Variants in WWTR1 observed in about 807,000 individuals in gnomAD.
The protein encoded by WWTR1 is WW domain-containing transcription regulator protein 1.
A neutral mutation model predicts 40.1 loss-of-function variants in WWTR1; 13 were observed. That is an observed-to-expected ratio of 0.32 (90% CI 0.21 to 0.52). The LOEUF (loss-of-function observed/expected upper bound fraction) is 0.52. WWTR1 is among the 20% of genes least tolerant of loss of function. The pLI is 0.97. For missense variants in WWTR1, 436 were observed against 523.1 expected, an observed-to-expected ratio of 0.83 and a Z score of 1.63; for synonymous variants, 230 against 210.1, an observed-to-expected ratio of 1.09 and a Z score of -0.82.
chr3:149,590,537 T>C (rs780089789), intron 2 of WWTR1, among the ~76,000 whole-genome samples: 4 of 152,000 alleles, frequency 2.6e-5, no homozygotes, highest in Non-Finnish European at 5.9e-5. Context: ...TCCCAGCTAC[T>C]CGAGAGGCTG....
At chr3:149,690,611 T>C (rs970912085) in intron 1 of WWTR1, among the ~76,000 whole-genome samples, 3 of 152,298 alleles carry the variant, frequency 2.0e-5, no homozygotes, top group East Asian at 1.9e-4. Context: ...CATCCAGATA[T>C]ATAAAGCAAA....
At chr3:149,608,238 A>T (rs115931804) in intron 2 of WWTR1, among the ~76,000 whole-genome samples, 3,651 of 152,240 alleles carry the variant, frequency 0.024, 125 homozygotes, top group African/African-American at 0.084. Flanking sequence ...AAAAAAATTT[A>T]TTTAGAATAC....
intron 1 of WWTR1, chr3:149,701,760 C>T (rs1169695957): frequency 5.7e-6 from 1 of 174,172 alleles, no homozygotes; most frequent in African/African-American, 2.4e-5. Context: ...AGTTGAAGCG[C>T]TCTCAGATGT....
intron 2 of WWTR1, among the ~76,000 whole-genome samples, chr3:149,600,756 A>C (rs1739204826): frequency 6.6e-6 from 1 of 152,220 alleles, no homozygotes. Flanking sequence ...AATATGGTAA[A>C]TATGATGTAC....
intron 1 of WWTR1, among the ~76,000 whole-genome samples, chr3:149,680,919 G>C (rs1333196180): frequency 2.6e-5 from 4 of 152,134 alleles, no homozygotes. Context: ...TATAAAACCA[G>C]TTACATACTT....
rs1015781374 is a variant in WWTR1, at chr3:149,551,561, T to G, written c.569-9024A>C. Among the ~76,000 whole-genome samples, 32 of 145,534 alleles carry G rather than the reference T, an allele frequency of 2.2e-4. 5 individuals are homozygous for G. The highest frequency in any genetic ancestry group is 2.3e-4 in the Non-Finnish European group (15 of 66,332). ...GGGGAGCATAAAAGCTTCCAAAAGTTAGAATGCAAAGCTTTACAATCACCT... is the reference window on the plus strand; with the variant it reads ...GGGGAGCATAAAAGCTTCCAAAAGTGAGAATGCAAAGCTTTACAATCACCT... On this transcript the variant is annotated intron_variant, in intron 3 of 6. Coordinates refer to ENST00000360632, the MANE Select transcript of WWTR1 (RefSeq NM_015472.6).
At position 149,594,950 on chromosome 3, in the gene WWTR1, C is replaced by CTTTTTTTTT. The variant is rs563658190; in HGVS notation, c.432-21959_432-21951dup. Among the ~76,000 whole-genome samples, 403 of 61,788 alleles carry CTTTTTTTTT rather than the reference C, an allele frequency of 6.5e-3. 47 individuals are homozygous for CTTTTTTTTT. The highest frequency in any genetic ancestry group is 0.022 in the Middle Eastern group (1 of 46). The allele number at this position is 61,788 out of a possible 152,430, so 40.5% of individuals were successfully genotyped here. A position where few individuals can be genotyped will look rare whatever the true frequency, so the allele number is the denominator to read the frequency against. ...CATATTGCCTATAACCTCTTTTTTA[C>CTTTTTTTTT]TTTTTTTTTTTTTTTTTTTTTTTTT... On this transcript the variant is annotated intron_variant, in intron 2 of 6. Transcript: ENST00000360632.
At chr3:149,550,752 G>T (rs1736582279) in intron 3 of WWTR1, among the ~76,000 whole-genome samples, 1 of 109,450 alleles carries the variant, frequency 9.1e-6, no homozygotes, top group Non-Finnish European at 1.9e-5. Flanking sequence ...AAAAGCAAGG[G>T]TTATAAAAGA....
chr3:149,582,196 C>G (rs1028083623), intron 2 of WWTR1, among the ~76,000 whole-genome samples: 1 of 151,936 alleles, frequency 6.6e-6, no homozygotes, highest in African/African-American at 2.4e-5. Flanking sequence ...CAACAGCACC[C>G]GGCCCTGGCA....
intron 2 of WWTR1, among the ~76,000 whole-genome samples, chr3:149,665,132 C>T (rs959972819): frequency 1.3e-5 from 2 of 151,720 alleles, no homozygotes; most frequent in Non-Finnish European, 2.9e-5. Context: ...CAACAATATA[C>T]AGTATGGTTT....
At chr3:149,628,186 C>A (rs180731126) in intron 2 of WWTR1, among the ~76,000 whole-genome samples, 7 of 151,714 alleles carry the variant, frequency 4.6e-5, no homozygotes, top group African/African-American at 1.7e-4. Context: ...TTGGCTAACA[C>A]GGTGAAACCC....
chr3:149,555,320 C>T (rs1473864877), intron 3 of WWTR1, among the ~76,000 whole-genome samples: 3 of 151,972 alleles, frequency 2.0e-5, no homozygotes, highest in Non-Finnish European at 2.9e-5. Flanking sequence ...AAGACTTGAA[C>T]GATTCATAAA....
intron 3 of WWTR1, among the ~76,000 whole-genome samples, chr3:149,554,836 G>A (rs1343688664): frequency 6.6e-6 from 1 of 152,184 alleles, no homozygotes; most frequent in Non-Finnish European, 1.5e-5. Flanking sequence ...TGGAGTTAGT[G>A]AATTTAGAAA....
chr3:149,645,234 C>T (rs1443803680), intron 2 of WWTR1, among the ~76,000 whole-genome samples: 2 of 152,150 alleles, frequency 1.3e-5, no homozygotes, highest in Non-Finnish European at 1.5e-5. Flanking sequence ...TGCCCGCCAC[C>T]ACGCCTGGCT....
chr3:149,587,296 T>TA (rs1250092816), intron 2 of WWTR1, among the ~76,000 whole-genome samples: 1 of 151,914 alleles, frequency 6.6e-6, no homozygotes, highest in Non-Finnish European at 1.5e-5. Context: ...TGTGTGAGGG[T>TA]AAAAAGAAAA....
chr3:149,656,785 T>TCACACACACACACACA, intron 2 of WWTR1, 91 bp downstream of exon 2: 1 of 816,780 alleles, frequency 1.2e-6, no homozygotes, highest in South Asian at 2.6e-5. Context: ...TCTCTCTCTC[T>TCACACACACACACACA]CTCTCTCACA....
intron 3 of WWTR1, among the ~76,000 whole-genome samples, chr3:149,565,638 C>A (rs555841582): frequency 3.2e-4 from 48 of 152,204 alleles, no homozygotes; most frequent in Non-Finnish European, 6.0e-4. Flanking sequence ...CCTTTTCAGG[C>A]CGGGTGCTCG....
At position 149,657,923 on chromosome 3, in the gene WWTR1, G is replaced by A. The variant is rs1450182406; in HGVS notation, c.-162C>T. On this transcript the variant is annotated 5_prime_UTR_variant, in exon 1 of 7. Transcript: ENST00000360632. ...CCCGACTCTGTGCCTGGCAGTCTAA[G>A]GGCTTCGGCTCTCACATCCCCCGAG... The A allele has an allele frequency of 6.5e-6, 1 of 152,716 alleles. No homozygotes were observed. Among genetic ancestry groups the A allele is most frequent in the Non-Finnish European group, 1.5e-5 (1 of 68,464 alleles). The allele number at this position is 152,716 out of a possible 1,614,324, so 9.5% of individuals were successfully genotyped here. A position where few individuals can be genotyped will look rare whatever the true frequency, so the allele number is the denominator to read the frequency against.
rs1393274412 is a variant in WWTR1 at position 149,642,764 on chromosome 3, G to T, written c.431+14112C>A. ...CACTCCAGCCTGGGCGACAGAGTGA[G>T]ACTCCGTCTCAAAAAAAAAAAAAAA... On this transcript the variant is annotated intron_variant, in intron 2 of 6. Coordinates refer to ENST00000360632, the MANE Select transcript of WWTR1 (RefSeq NM_015472.6). 2.0e-5 allele frequency among the ~76,000 whole-genome samples: 3 copies of T among 147,024 alleles called. No homozygotes were observed. The East Asian group carries it at 5.9e-4, about 29-fold the overall frequency.
Sources: gnomAD v4.1 joint callset for allele counts (sites outside exome capture counted in the v4.1 genomes callset) on GRCh38, gnomAD v4.1.1 for gene constraint, MANE v1.5 for transcripts, NCBI Gene and HGNC (gene_info 2026-07-23, HGNC 2026-07-21) for gene names.